Variants in NLGN1 observed in about 807,000 individuals in gnomAD.
NLGN1 encodes neuroligin 1, also known as neuroligin-1.
In NLGN1, 12 loss-of-function variants were observed where a neutral mutation model predicts 65.5. The observed-to-expected ratio is 0.18, with a 90% CI of 0.12 to 0.30. The LOEUF (loss-of-function observed/expected upper bound fraction) is 0.30. Ranked by LOEUF, NLGN1 falls within the 10% of genes least tolerant of loss-of-function variation. The probability of loss-of-function intolerance (pLI) is 1.00; values close to 1 mark genes in which losing one functional copy is unlikely to be tolerated. For missense variants in NLGN1, 750 were observed against 1,007.1 expected, an observed-to-expected ratio of 0.74 and a Z score of 3.46; for synonymous variants, 350 against 359.5, an observed-to-expected ratio of 0.97 and a Z score of 0.30.
At chr3:173,694,378 C>A (rs964797719) in intron 3 of NLGN1, among the ~76,000 whole-genome samples, 4 of 152,090 alleles carry the variant, frequency 2.6e-5, no homozygotes, top group African/African-American at 9.7e-5. Flanking sequence ...GTGTTGAAAG[C>A]TTGTGAACAA....
intron 4 of NLGN1, among the ~76,000 whole-genome samples, chr3:174,102,025 A>C (rs1346469992): frequency 6.6e-6 from 1 of 152,206 alleles, no homozygotes; most frequent in Non-Finnish European, 1.5e-5. Flanking sequence ...CCACATTTTC[A>C]TCAAATAATA....
chr3:174,215,384 A>G (rs746388038), intron 4 of NLGN1, among the ~76,000 whole-genome samples: 14 of 152,196 alleles, frequency 9.2e-5, no homozygotes, highest in Non-Finnish European at 1.8e-4. Flanking sequence ...TGACACTTTC[A>G]AAAGCCTGTG....
chr3:174,143,392 T>C (rs1189409443), intron 4 of NLGN1, among the ~76,000 whole-genome samples: 1 of 152,172 alleles, frequency 6.6e-6, no homozygotes, highest in Non-Finnish European at 1.5e-5. Context: ...AAACCAAAGA[T>C]GCTATGATTA....
intron 4 of NLGN1, among the ~76,000 whole-genome samples, chr3:173,932,070 G>T (rs1287286703): frequency 6.6e-6 from 1 of 151,656 alleles, no homozygotes; most frequent in Admixed American, 6.6e-5. Context: ...GGAAGGATTG[G>T]GTTTCCATTA....
intron 3 of NLGN1, among the ~76,000 whole-genome samples, chr3:173,667,639 C>CT (rs930763989): frequency 7.9e-5 from 12 of 151,796 alleles, no homozygotes; most frequent in South Asian, 2.1e-4. Context: ...CTGAAATTCC[C>CT]TTTTTTTTGA....
chr3:173,484,303 T>G (rs1727795688), intron 2 of NLGN1, among the ~76,000 whole-genome samples: 1 of 152,136 alleles, frequency 6.6e-6, no homozygotes, highest in Non-Finnish European at 1.5e-5. Flanking sequence ...GATCTGTATG[T>G]GAAATTCAAA....
intron 4 of NLGN1, among the ~76,000 whole-genome samples, chr3:173,968,910 A>G (rs980002948): frequency 6.6e-6 from 1 of 151,712 alleles, no homozygotes; most frequent in Non-Finnish European, 1.5e-5. Flanking sequence ...CATGTTGGCC[A>G]GGCTGGTCTC....
intron 2 of NLGN1, among the ~76,000 whole-genome samples, chr3:173,552,554 G>T (rs1741045093): frequency 6.6e-6 from 1 of 152,142 alleles, no homozygotes; most frequent in Non-Finnish European, 1.5e-5. Flanking sequence ...GATTTGAAGG[G>T]TGAGAATAAT....
intron 4 of NLGN1, among the ~76,000 whole-genome samples, chr3:173,830,950 T>G (rs551446791): frequency 6.6e-6 from 1 of 152,336 alleles, no homozygotes; most frequent in Admixed American, 6.5e-5. Flanking sequence ...GTAACATCAA[T>G]GAAGAATACA....
At chr3:173,775,376 C>T (rs986685143) in intron 3 of NLGN1, among the ~76,000 whole-genome samples, 2 of 152,066 alleles carry the variant, frequency 1.3e-5, no homozygotes, top group Non-Finnish European at 2.9e-5. Flanking sequence ...GCCATTCTCC[C>T]TTAAGGCTTT....
rs2861666 is a variant in NLGN1 at position 174,184,904 on chromosome 3, G to A, written c.647-90411G>A. Among the ~76,000 whole-genome samples, 551 of 152,226 alleles carry A rather than the reference G, an allele frequency of 3.6e-3. 3 individuals carry two copies. The highest frequency in any genetic ancestry group is 0.012 in the African/African-American group (502 of 41,558). On this transcript the variant is annotated intron_variant, in intron 4 of 6. Transcript: ENST00000457714. ...TCCAAAGTAGCAGGCATGGAGTGAA[G>A]TCCAGAGTGGACAGATCTGAGGAGA... is the stretch of plus-strand genomic sequence containing the variant.
intron 4 of NLGN1, among the ~76,000 whole-genome samples, chr3:173,957,898 A>G (rs1018573175): frequency 1.3e-5 from 2 of 152,214 alleles, no homozygotes; most frequent in African/African-American, 4.8e-5. Context: ...CACACCTGCC[A>G]AGATGAGTTA....
intron 4 of NLGN1, among the ~76,000 whole-genome samples, chr3:174,248,326 AAC>A (rs1479160892): frequency 1.3e-5 from 2 of 152,172 alleles, no homozygotes; most frequent in Admixed American, 1.3e-4. Context: ...TCTAATAGGG[AAC>A]AGAGTCAGGC....
chr3:173,714,827 G>C (rs908872480), intron 3 of NLGN1, among the ~76,000 whole-genome samples: 3 of 152,100 alleles, frequency 2.0e-5, no homozygotes, highest in Non-Finnish European at 2.9e-5. Context: ...ACTGGTAGAA[G>C]AAAAGGAGGT....
At chr3:173,783,265 A>G (rs1486197134) in intron 3 of NLGN1, among the ~76,000 whole-genome samples, 1 of 152,186 alleles carries the variant, frequency 6.6e-6, no homozygotes, top group Non-Finnish European at 1.5e-5. Context: ...CATTTGAGAA[A>G]AACATTCAAA....
intron 4 of NLGN1, among the ~76,000 whole-genome samples, chr3:173,916,659 C>G (rs545196850): frequency 6.6e-6 from 1 of 152,094 alleles, no homozygotes; most frequent in South Asian, 2.1e-4. Context: ...TCCAGTGAGG[C>G]TTATACAAAC....
intron 1 of NLGN1, among the ~76,000 whole-genome samples, chr3:173,412,666 A>G (rs1198731516): frequency 6.6e-6 from 1 of 152,096 alleles, no homozygotes. Flanking sequence ...CTGATTCTAA[A>G]CCAAATTATA....
chr3:173,518,238 T>C (rs561632688), intron 2 of NLGN1, among the ~76,000 whole-genome samples: 4 of 152,172 alleles, frequency 2.6e-5, no homozygotes, highest in African/African-American at 9.6e-5. Flanking sequence ...TGTGCTAATA[T>C]AAGAAAGATA....
chr3:173,785,642 A>G (rs562136308), intron 3 of NLGN1, among the ~76,000 whole-genome samples: 1 of 152,042 alleles, frequency 6.6e-6, no homozygotes, highest in Non-Finnish European at 1.5e-5. Context: ...TTTTAATGGC[A>G]TACAGAGGTA....
Sources: gnomAD v4.1 joint callset for allele counts (sites outside exome capture counted in the v4.1 genomes callset) on GRCh38, gnomAD v4.1.1 for gene constraint, MANE v1.5 for transcripts, NCBI Gene and HGNC (gene_info 2026-07-23, HGNC 2026-07-21) for gene names.